The following TMEM171 variants were observed in gnomAD, a reference collection of about 807,000 sequenced individuals.
TMEM171 encodes the protein transmembrane protein 171, also known as proline-rich protein PRP2.
Under a neutral mutation model 19.1 loss-of-function variants are expected in TMEM171, and 16 were observed. The observed-to-expected ratio is 0.84, with a 90% confidence interval of 0.57 to 1.27. TMEM171 has a LOEUF of 1.27. Ranked by LOEUF, TMEM171 falls within the 50% of genes most tolerant of loss-of-function variation. The pLI, the probability that TMEM171 is intolerant of heterozygous loss-of-function variation, is 0.00. For missense variants in TMEM171, 429 were observed against 412.7 expected (o/e 1.04, Z -0.34); for synonymous variants, 153 against 163.4 (o/e 0.94, Z 0.48).
chr5:73,125,473 C>A (rs6414951), intron 2 of TMEM171, among the ~76,000 whole-genome samples: 6 of 152,106 alleles, frequency 3.9e-5, no homozygotes, highest in African/African-American at 1.2e-4. Flanking sequence ...ACCCAAGTGT[C>A]TGGGCACACC....
intron 2 of TMEM171, among the ~76,000 whole-genome samples, chr5:73,125,743 G>A (rs1352694409): frequency 6.6e-6 from 1 of 152,182 alleles, no homozygotes; most frequent in Non-Finnish European, 1.5e-5. Context: ...GAATCAGAGT[G>A]GACAGAGCTG....
intron 3 of TMEM171, among the ~76,000 whole-genome samples, chr5:73,130,595 G>A (rs1423683201): frequency 2.6e-5 from 4 of 152,138 alleles, no homozygotes; most frequent in Non-Finnish European, 5.9e-5. Flanking sequence ...TCTGGGGCCT[G>A]GAGGGAATGA....
Position 73,128,522 on chromosome 5 carries a change from T to G in TMEM171, c.773T>G (p.Phe258Cys). 1 of 1,614,078 alleles carries G rather than the reference T, an allele frequency of 6.2e-7. No homozygotes were observed. The highest frequency in any genetic ancestry group is 8.5e-7 in the Non-Finnish European group (1 of 1,179,980). The change falls in exon 3 of 4, where the codon TTC becomes TGC. Residue 258 changes from phenylalanine to cysteine, a missense_variant. Coordinates refer to ENST00000454765, the MANE Select transcript of TMEM171 (RefSeq NM_173490.8). ...NENPPSYYSIFNYGRTPTSEG... is the reference protein window; with the variant it reads ...NENPPSYYSICNYGRTPTSEG... ...AACCCCCCTTCATATTACAGTATTT[T>G]CAACTATGGGTAAGAATTTCAATTT...
rs1244159494 is a variant in TMEM171 at position 73,123,588 on chromosome 5, G to C, written c.215G>C (p.Gly72Ala). Residue 72 changes from glycine (G) to alanine (A), a missense_variant, in exon 2 of 4, where the codon GGG (glycine) becomes GCG (alanine). Gly to Ala is a moderately conservative substitution (Grantham distance 60). Coordinates refer to ENST00000454765, the MANE Select transcript of TMEM171 (RefSeq NM_173490.8). ...AGPACAVVGL[G>A]AVILARSRAQ... is the part of the protein sequence containing the mutation. Reference sequence around the variant, plus strand: ...CCTGCATGTGCCGTGGTTGGGCTTGGGGCTGTGATCCTGGCCCGCTCCCGG... The same window carrying C: ...CCTGCATGTGCCGTGGTTGGGCTTGCGGCTGTGATCCTGGCCCGCTCCCGG... 1.2e-6 allele frequency: 2 copies of C among 1,614,108 alleles called. No homozygotes were observed. Among genetic ancestry groups the C allele is most frequent in the Admixed American group, 1.7e-5 (1 of 60,006 alleles).
intron 2 of TMEM171, among the ~76,000 whole-genome samples, chr5:73,127,196 G>A (rs1282938681): frequency 4.0e-5 from 6 of 151,840 alleles, no homozygotes; most frequent in Admixed American, 3.3e-4. Context: ...GGCTGAAAAC[G>A]AGAAAAGCTT....
chr5:73,122,125 T>C (rs1289293732), intron 1 of TMEM171, among the ~76,000 whole-genome samples: 1 of 152,214 alleles, frequency 6.6e-6, no homozygotes, highest in African/African-American at 2.4e-5. Flanking sequence ...ATTCCACTTA[T>C]ACTATTCTTT....
chr5:73,125,505 C>T (rs1436633103), intron 2 of TMEM171, among the ~76,000 whole-genome samples: 1 of 152,222 alleles, frequency 6.6e-6, no homozygotes, highest in African/African-American at 2.4e-5. Context: ...CCTTGCATAG[C>T]ACCCTGCCCA....
chr5:73,127,384 A>AAAATATAT, intron 2 of TMEM171, among the ~76,000 whole-genome samples: 14 of 81,656 alleles, frequency 1.7e-4, no homozygotes, highest in Middle Eastern at 5.4e-3. Context: ...AAAAAAAAAA[A>AAAATATAT]ATATATATAT....
In TMEM171 at chr5:73,130,060, A is replaced by G. The variant is rs192255743; in HGVS notation, c.783-1478A>G. Among the ~76,000 whole-genome samples, 33 of 152,114 alleles carry G rather than the reference A, an allele frequency of 2.2e-4. No individual in the cohort carries two copies. The East Asian group carries it at 2.3e-3, about 11-fold the overall frequency. ...GTGACAGGGAAGCTCAGAGGTCCCC[A>G]ACTGAGAAGACGTGAGTGATGAGCT... On this transcript the variant is annotated intron_variant, in intron 3 of 3. Transcript: ENST00000454765.
chr5:73,120,747 T>C, intron 1 of TMEM171, 51 bp downstream of exon 1: 1 of 983,908 alleles, frequency 1.0e-6, no homozygotes, highest in Non-Finnish European at 1.2e-6. Flanking sequence ...GGTCGGGCGC[T>C]GAGCTGTGCG....
At position 73,123,812 on chromosome 5, in the gene TMEM171, G is replaced by A. The variant is rs1343596947; in HGVS notation, c.439G>A (p.Glu147Lys). Reference protein sequence around the residue: ...GSNWAQEPLNETDTGDSEPRM... With the variant: ...GSNWAQEPLNKTDTGDSEPRM... Reference sequence around the variant, plus strand: ...CAACTGGGCGCAGGAACCGCTAAACGAGACAGACACTGGCGACTCAGAGCC... The same window carrying A: ...CAACTGGGCGCAGGAACCGCTAAACAAGACAGACACTGGCGACTCAGAGCC... Residue 147 changes from glutamate (E) to lysine (K), a missense_variant, in exon 2 of 4, where the codon GAG becomes AAG. Coordinates refer to ENST00000454765, the MANE Select transcript of TMEM171 (RefSeq NM_173490.8). 5 of 1,612,720 alleles carry A rather than the reference G, an allele frequency of 3.1e-6. No homozygotes were observed. Among genetic ancestry groups the A allele is most frequent in the South Asian group, 1.1e-5 (1 of 90,910 alleles).
At chr5:73,127,380 A>ATATATATATATATATATATATATATAT (rs1281485655) in intron 2 of TMEM171, among the ~76,000 whole-genome samples, 3 of 61,470 alleles carry the variant, frequency 4.9e-5, no homozygotes, top group African/African-American at 2.6e-4. Context: ...AAAAAAAAAA[A>ATATATATATATATATATATATATATAT]AAAAATATAT....
chr5:73,126,655 G>A (rs1171205630), intron 2 of TMEM171, among the ~76,000 whole-genome samples: 1 of 152,188 alleles, frequency 6.6e-6, no homozygotes, highest in Non-Finnish European at 1.5e-5. Context: ...CTGGCCTGCA[G>A]TTTACAGCTG....
chr5:73,129,815 C>G (rs1308480161), intron 3 of TMEM171, among the ~76,000 whole-genome samples: 1 of 152,180 alleles, frequency 6.6e-6, no homozygotes, highest in Non-Finnish European at 1.5e-5. Flanking sequence ...GGGTGACTGG[C>G]TAAAGTCAGC....
At chr5:73,127,913 TTC>T (rs1248248535) in intron 2 of TMEM171, among the ~76,000 whole-genome samples, 1 of 151,752 alleles carries the variant, frequency 6.6e-6, no homozygotes, top group Non-Finnish European at 1.5e-5. Context: ...GCTAAATTTT[TTC>T]TTTTAATTTT....
chr5:73,123,982 C>G lies in TMEM171; in HGVS notation c.609C>G (p.Ile203Met). 1 of 1,586,294 alleles carries G rather than the reference C, an allele frequency of 6.3e-7. No individual in the cohort carries two copies. The highest frequency in any genetic ancestry group is 8.6e-7 in the Non-Finnish European group (1 of 1,167,890). The change falls in exon 2 of 4, where the codon ATC becomes ATG. Residue 203 changes from isoleucine to methionine, a missense_variant. Ile to Met is a conservative substitution (Grantham distance 10, BLOSUM62 1). Coordinates refer to ENST00000454765, the MANE Select transcript of TMEM171 (RefSeq NM_173490.8). ...QDASEREEGQIQIMEPVQVTV... is the reference protein window; with the variant it reads ...QDASEREEGQMQIMEPVQVTV... ...CCTCTGAGAGAGAAGAGGGACAGAT[C>G]CAGATTATGGAGCCTGTCCAGGTCA...
intron 2 of TMEM171, among the ~76,000 whole-genome samples, chr5:73,126,013 A>C (rs1310519407): frequency 6.6e-6 from 1 of 152,220 alleles, no homozygotes; most frequent in African/African-American, 2.4e-5. Flanking sequence ...TTGTCTGCTC[A>C]CAGAGGACAT....
In TMEM171 at chr5:73,123,363, C is replaced by G. The variant is rs1473205105; in HGVS notation, c.-11C>G. On this transcript the variant is annotated 5_prime_UTR_variant, in exon 2 of 4. Transcript: ENST00000454765. ...TCCCACCCTGCCTCCGGGAAGGGGC[C>G]TCTCCTGGACATGTCTCCTGCAGCT... The G allele has an allele frequency of 1.0e-5, 16 of 1,596,370 alleles. No individual in the cohort carries two copies. The Admixed American group carries it at 1.2e-4, about 12-fold the overall frequency.
chr5:73,121,839 C>T (rs1554078211), intron 1 of TMEM171, among the ~76,000 whole-genome samples: 1 of 152,138 alleles, frequency 6.6e-6, no homozygotes, highest in Non-Finnish European at 1.5e-5. Context: ...TTCATGGGAC[C>T]ATGGATGTGA....
Sources: gnomAD v4.1 joint callset for allele counts (sites outside exome capture counted in the v4.1 genomes callset) on GRCh38, gnomAD v4.1.1 for gene constraint, MANE v1.5 for transcripts, NCBI Gene and HGNC (gene_info 2026-07-23, HGNC 2026-07-21) for gene names.